The following SLC7A14 variants were observed in gnomAD, a reference collection of about 807,000 sequenced individuals.
SLC7A14 encodes gamma-aminobutyric acid transporter SLC7A14.
A neutral mutation model predicts 60.2 loss-of-function variants in SLC7A14; 37 were observed. That is an observed-to-expected ratio of 0.61 (90% CI 0.47 to 0.81). SLC7A14 has a LOEUF of 0.81. Ranked by LOEUF, SLC7A14 falls within the 30% of genes least tolerant of loss-of-function variation. SLC7A14 has a pLI of 0.00. For synonymous variants in SLC7A14, 399 were observed against 395.8 expected, an observed-to-expected ratio of 1.01 and a Z score of -0.10; for missense variants, 886 against 982.7, an observed-to-expected ratio of 0.90 and a Z score of 1.32.
At chr3:170,567,721 T>C (rs911574751) in intron 1 of SLC7A14, among the ~76,000 whole-genome samples, 1 of 152,120 alleles carries the variant, frequency 6.6e-6, no homozygotes, top group African/African-American at 2.4e-5. Flanking sequence ...TGAGATGGTA[T>C]CTCATTGTGG....
rs897787498 is a variant in SLC7A14, at chr3:170,495,524, G to A, written c.759+3143C>T. The A allele has an allele frequency of 3.0e-5, 22 of 745,090 alleles. 1 individual carries two copies. The Middle Eastern group carries it at 2.5e-3, about 86-fold the overall frequency. The allele number at this position is 745,090 out of a possible 1,614,324, so 46.2% of individuals were successfully genotyped here. Reference sequence around the variant, plus strand: ...TTAGCAGCCGCTTTTACACGAATGGGCCTGGTGCCCACATCAGCTCTTCAA... The same window carrying A: ...TTAGCAGCCGCTTTTACACGAATGGACCTGGTGCCCACATCAGCTCTTCAA... On this transcript the variant is annotated intron_variant, in intron 4 of 7. Coordinates refer to ENST00000231706, the MANE Select transcript of SLC7A14 (RefSeq NM_020949.3).
intron 1 of SLC7A14, among the ~76,000 whole-genome samples, chr3:170,565,781 A>G (rs1235420178): frequency 6.6e-6 from 1 of 152,074 alleles, no homozygotes; most frequent in South Asian, 2.1e-4. Flanking sequence ...TTCTGGTCCT[A>G]TTGAATGACC....
intron 1 of SLC7A14, among the ~76,000 whole-genome samples, chr3:170,540,410 T>C (rs1263633817): frequency 6.6e-6 from 1 of 152,064 alleles, no homozygotes; most frequent in Non-Finnish European, 1.5e-5. Flanking sequence ...TCATAAATCA[T>C]AGAGGATGCA....
chr3:170,478,139 G>T (rs1711688769), intron 7 of SLC7A14, among the ~76,000 whole-genome samples: 2 of 152,096 alleles, frequency 1.3e-5, no homozygotes, highest in Admixed American at 6.5e-5. Flanking sequence ...GTGCAGTGGT[G>T]TGATCTCAGC....
intron 7 of SLC7A14, among the ~76,000 whole-genome samples, chr3:170,470,125 G>C (rs745935153): frequency 6.6e-6 from 1 of 152,172 alleles, no homozygotes; most frequent in African/African-American, 2.4e-5. Flanking sequence ...TAAGTGACTT[G>C]CCTGGGTCTG....
chr3:170,557,894 G>T (rs1452668303), intron 1 of SLC7A14, among the ~76,000 whole-genome samples: 1 of 152,188 alleles, frequency 6.6e-6, no homozygotes, highest in Non-Finnish European at 1.5e-5. Context: ...TCTTGAGCAA[G>T]ACTTATGACT....
At chr3:170,505,535 G>A (rs764158609) in intron 2 of SLC7A14, among the ~76,000 whole-genome samples, 1 of 152,158 alleles carries the variant, frequency 6.6e-6, no homozygotes, top group African/African-American at 2.4e-5. Flanking sequence ...GCATTACAAA[G>A]TATTTATTAC....
At chr3:170,474,004 T>A (rs1263502105) in intron 7 of SLC7A14, among the ~76,000 whole-genome samples, 1 of 152,180 alleles carries the variant, frequency 6.6e-6, no homozygotes, top group African/African-American at 2.4e-5. Flanking sequence ...AAGAGATACA[T>A]GTCCGCGTGT....
In SLC7A14 at chr3:170,585,543, A is replaced by AC. The variant is rs1298094130; in HGVS notation, c.-153+367_-153+368insG. Among the ~76,000 whole-genome samples, 2 of 152,012 alleles carry AC rather than the reference A, an allele frequency of 1.3e-5. No homozygotes were observed. The highest frequency in any genetic ancestry group is 4.8e-5 in the African/African-American group (2 of 41,396). On this transcript the variant is annotated intron_variant, in intron 1 of 7. Coordinates refer to ENST00000231706, the MANE Select transcript of SLC7A14 (RefSeq NM_020949.3). The surrounding 1 kb of genome is among the most constrained non-coding windows in gnomAD (Gnocchi z 5.1). The stretch of plus-strand genomic sequence containing the variant: ...ACGGGCCCGGCGTCTGCCGAGACCT[A>AC]GGCTGCCCGCATTCCGCTCGCGGCT...
At chr3:170,542,678 T>G (rs1358905595) in intron 1 of SLC7A14, among the ~76,000 whole-genome samples, 1 of 152,190 alleles carries the variant, frequency 6.6e-6, no homozygotes, top group Non-Finnish European at 1.5e-5. Context: ...AAGCCGTGGG[T>G]TGTGTGTGCA....
At chr3:170,501,834 A>T (rs76037260) in intron 2 of SLC7A14, among the ~76,000 whole-genome samples, 2,709 of 152,366 alleles carry the variant, frequency 0.018, 99 homozygotes, top group East Asian at 0.15. Context: ...AAAAGATGCA[A>T]ATATAAATAA....
In SLC7A14 at chr3:170,526,908, G is replaced by A. The variant is rs1713526272; in HGVS notation, c.29C>T (p.Pro10Leu). 6.2e-7 allele frequency: 1 copy of A among 1,613,688 alleles called. No individual in the cohort carries two copies. Among genetic ancestry groups the A allele is most frequent in the South Asian group, 1.1e-5 (1 of 90,990 alleles). ...GGCAGCTCCCCACTGCACCCGCCGG[G>A]GGTCCAGCGAGGTGAAGAAGCCACT... MSGFFTSLDPRRVQWGAAWY... is the reference protein window; with the variant it reads MSGFFTSLDLRRVQWGAAWY... The change falls in exon 2 of 8, where the codon CCC (proline) becomes CTC (leucine). Residue 10 changes from proline (P) to leucine (L), a missense_variant. By Grantham distance (98) the Pro-to-Leu change is moderately conservative. Transcript: ENST00000231706.
chr3:170,534,919 G>C (rs1713792508), intron 1 of SLC7A14, among the ~76,000 whole-genome samples: 1 of 152,186 alleles, frequency 6.6e-6, no homozygotes. Flanking sequence ...ATATTTGTTG[G>C]AAACTGTGGT....
chr3:170,468,715 C>G lies in SLC7A14; in HGVS notation c.1994-1338G>C, dbSNP rs557673382. ...AGACTGTGGGCTCTGTGTTCAAATC[C>G]TGCCTTCATCACTGTTAGCTGTGTA... On this transcript the variant is annotated intron_variant, in intron 7 of 7. Transcript: ENST00000231706. Among the ~76,000 whole-genome samples, 22 of 152,314 alleles carry G rather than the reference C, an allele frequency of 1.4e-4. No homozygotes were observed. The South Asian group carries it at 3.5e-3, about 24-fold the overall frequency.
chr3:170,459,674 A>T lies in SLC7A14; in HGVS notation c.*7381T>A, dbSNP rs1739554903. On this transcript the variant is annotated 3_prime_UTR_variant, in exon 8 of 8. Transcript: ENST00000231706. ...TTTATCTGGCTTTTCTACAAAGGAC[A>T]ATTGAAACACTTAAGGCGAAATTCA... 6.6e-6 allele frequency: 1 copy of T among 152,270 alleles called. No individual in the cohort carries two copies. The highest frequency in any genetic ancestry group is 2.4e-5 in the African/African-American group (1 of 41,470). 9.4% of individuals were successfully genotyped at this position (152,270 alleles called of 1,614,324 possible).
At chr3:170,485,820 C>T (rs1030851411) in intron 5 of SLC7A14, among the ~76,000 whole-genome samples, 12 of 152,180 alleles carry the variant, frequency 7.9e-5, no homozygotes, top group African/African-American at 2.4e-4. Context: ...TCTTTGCTGC[C>T]GGGAAGCTCC....
intron 7 of SLC7A14, among the ~76,000 whole-genome samples, chr3:170,474,536 G>C (rs548668119): frequency 6.6e-6 from 1 of 152,290 alleles, no homozygotes; most frequent in South Asian, 2.1e-4. Context: ...GCACAATTTT[G>C]ACATTGGAAG....
chr3:170,495,941 G>A (rs1476843782), intron 4 of SLC7A14: 1 of 1,403,024 alleles, frequency 7.1e-7, no homozygotes, highest in African/African-American at 1.4e-5. Flanking sequence ...ATATGCAGGG[G>A]CTGGTGGAGG....
At chr3:170,508,638 G>C (rs1255407842) in intron 2 of SLC7A14, among the ~76,000 whole-genome samples, 1 of 152,226 alleles carries the variant, frequency 6.6e-6, no homozygotes. Flanking sequence ...AAACATGTCT[G>C]TAAGAAAGTC....
Sources: gnomAD v4.1 joint callset for allele counts (sites outside exome capture counted in the v4.1 genomes callset) on GRCh38, gnomAD v4.1.1 for gene constraint, Gnocchi (gnomAD v3.1) non-coding constraint, MANE v1.5 for transcripts, NCBI Gene and HGNC (gene_info 2026-07-23, HGNC 2026-07-21) for gene names.